SULF2: variants seen among roughly 807,000 people sequenced by gnomAD.
SULF2 encodes the protein extracellular sulfatase Sulf-2.
Under a neutral mutation model 107.7 loss-of-function variants are expected in SULF2, and 52 were observed. The ratio of observed to expected loss-of-function variants is 0.48; its 90% CI spans 0.39 to 0.61. The LOEUF (loss-of-function observed/expected upper bound fraction) is 0.61. Ranked by LOEUF, SULF2 falls within the 20% of genes least tolerant of loss-of-function variation. The pLI is 0.00. For synonymous variants in SULF2, 460 were observed against 464.3 expected (o/e 0.99, Z 0.12); for missense variants, 993 against 1,177.3 (o/e 0.84, Z 2.29).
At chr20:47,742,162 A>G (rs2089899826) in intron 2 of SULF2, among the ~76,000 whole-genome samples, 1 of 152,248 alleles carries the variant, frequency 6.6e-6, no homozygotes, top group Non-Finnish European at 1.5e-5. Context: ...AAACTGCCAT[A>G]GCGACGAGGC....
At chr20:47,704,277 AT>A (rs11480561) in intron 3 of SULF2, among the ~76,000 whole-genome samples, 5 of 150,372 alleles carry the variant, frequency 3.3e-5, no homozygotes, top group East Asian at 2.0e-4. Context: ...TTGCATGTAC[AT>A]TTTTTTTTTC....
chr20:47,716,929 G>A (rs967154182), intron 3 of SULF2, among the ~76,000 whole-genome samples: 1 of 152,152 alleles, frequency 6.6e-6, no homozygotes, highest in South Asian at 2.1e-4. Context: ...AGGATCACTT[G>A]GACCCAGGAG....
Position 47,731,182 on chromosome 20 carries a change from C to CTTTTTTTTTTTT in SULF2, c.415+5520_415+5521insAAAAAAAAAAAA, listed in dbSNP as rs1342480404. Reference sequence around the variant, plus strand: ...GACTCTGCCTGCTACTCACCTGTATCTTCTCTTTTTTTTTTTTTTTTTTTT... The same window carrying CTTTTTTTTTTTT: ...GACTCTGCCTGCTACTCACCTGTATCTTTTTTTTTTTTTTCTCTTTTTTTTTTTTTTTTTTTT... On this transcript the variant is annotated intron_variant, in intron 3 of 20. Coordinates refer to ENST00000688720, the MANE Select transcript of SULF2 (RefSeq NM_001387048.1). 4.6e-4 allele frequency among the ~76,000 whole-genome samples: 46 copies of CTTTTTTTTTTTT among 99,564 alleles called. 1 individual carries two copies. The highest frequency in any genetic ancestry group is 2.3e-3 in the African/African-American group (43 of 18,592). 65.3% of individuals were successfully genotyped at this position (99,564 alleles called of 152,430 possible).
At chr20:47,702,219 G>A (rs376043137) in intron 4 of SULF2, among the ~76,000 whole-genome samples, 1 of 152,002 alleles carries the variant, frequency 6.6e-6, no homozygotes, top group Non-Finnish European at 1.5e-5. Flanking sequence ...CACCACACCC[G>A]GCTAAGTTTT....
chr20:47,763,302 A>G (rs2090454956), intron 1 of SULF2, among the ~76,000 whole-genome samples: 1 of 148,308 alleles, frequency 6.7e-6, no homozygotes, highest in African/African-American at 2.6e-5. Context: ...TTAGTTCTCA[A>G]TTTCTCTGCC....
At chr20:47,757,028 T>G (rs1170348309) in intron 2 of SULF2, among the ~76,000 whole-genome samples, 161 bp downstream of exon 2, 2 of 152,172 alleles carry the variant, frequency 1.3e-5, no homozygotes, top group Non-Finnish European at 2.9e-5. Context: ...GAGGACCCAG[T>G]TGTGACCCCA....
At chr20:47,693,371 G>A (rs1474524600) in intron 4 of SULF2, among the ~76,000 whole-genome samples, 1 of 152,124 alleles carries the variant, frequency 6.6e-6, no homozygotes, top group Non-Finnish European at 1.5e-5. Flanking sequence ...AGTGGGGTGG[G>A]GTGGGAAGCC....
At chr20:47,746,037 A>C (rs1416821476) in intron 2 of SULF2, among the ~76,000 whole-genome samples, 1 of 152,216 alleles carries the variant, frequency 6.6e-6, no homozygotes, top group Non-Finnish European at 1.5e-5. Context: ...CCTGGCTTTG[A>C]TGGGCCCACA....
intron 3 of SULF2, among the ~76,000 whole-genome samples, chr20:47,732,642 G>A (rs2089639483): frequency 1.3e-5 from 2 of 152,116 alleles, no homozygotes. Context: ...AGGAGTTCGA[G>A]GTCAGCCTGG....
At chr20:47,731,369 T>C (rs1411358842) in intron 3 of SULF2, among the ~76,000 whole-genome samples, 1 of 151,706 alleles carries the variant, frequency 6.6e-6, no homozygotes, top group Non-Finnish European at 1.5e-5. Flanking sequence ...ATTTTTGTAT[T>C]TTTAGTAGAG....
At chr20:47,755,163 A>G (rs1172329300) in intron 2 of SULF2, among the ~76,000 whole-genome samples, 1 of 152,212 alleles carries the variant, frequency 6.6e-6, no homozygotes, top group Non-Finnish European at 1.5e-5. Context: ...TAGCTGTGCA[A>G]ACTTGGACAA....
chr20:47,734,229 T>A (rs1380169467), intron 3 of SULF2, among the ~76,000 whole-genome samples: 1 of 152,138 alleles, frequency 6.6e-6, no homozygotes, highest in Non-Finnish European at 1.5e-5. Context: ...TTATTTGACA[T>A]CCCCGGTCTC....
At chr20:47,710,267 G>C (rs565570491) in intron 3 of SULF2, among the ~76,000 whole-genome samples, 4 of 148,586 alleles carry the variant, frequency 2.7e-5, no homozygotes, top group Admixed American at 6.6e-5. Flanking sequence ...GGAACTCCTG[G>C]GCTCAAGTGA....
At position 47,700,070 on chromosome 20, in the gene SULF2, G is replaced by T. The variant is rs187009478; in HGVS notation, c.567+2449C>A. 3.4e-3 allele frequency among the ~76,000 whole-genome samples: 518 copies of T among 152,292 alleles called. 3 individuals are homozygous for T. The highest frequency in any genetic ancestry group is 0.012 in the African/African-American group (480 of 41,554). ...TCTGGGGAAAGAATGTACCAGCTGT[G>T]GGGGGATGTCAGAGCTGACTCTGAG... On this transcript the variant is annotated intron_variant, in intron 4 of 20. Coordinates refer to ENST00000688720, the MANE Select transcript of SULF2 (RefSeq NM_001387048.1).
At chr20:47,661,507 G>C (rs2087065459) in intron 18 of SULF2, 2 of 303,902 alleles carry the variant, frequency 6.6e-6, no homozygotes, top group Non-Finnish European at 1.3e-5. Flanking sequence ...TTGAATGCAT[G>C]AGTGGACAAA....
chr20:47,710,012 C>T (rs945731567), intron 3 of SULF2, among the ~76,000 whole-genome samples: 2 of 151,942 alleles, frequency 1.3e-5, no homozygotes, highest in Admixed American at 6.6e-5. Context: ...AGCGATTCTC[C>T]CGCCTCAGCC....
intron 1 of SULF2, among the ~76,000 whole-genome samples, chr20:47,759,482 A>T (rs2090369805): frequency 6.6e-6 from 1 of 152,212 alleles, no homozygotes; most frequent in Non-Finnish European, 1.5e-5. Flanking sequence ...ACCTGAGGTC[A>T]GGAGTTCGAG....
chr20:47,715,176 C>A (rs2089075558), intron 3 of SULF2, among the ~76,000 whole-genome samples: 2 of 151,472 alleles, frequency 1.3e-5, no homozygotes, highest in South Asian at 2.1e-4. Context: ...AGCGATCTGC[C>A]CACCTTGGCC....
intron 4 of SULF2, among the ~76,000 whole-genome samples, chr20:47,692,967 G>A (rs1351483258): frequency 6.6e-6 from 1 of 152,148 alleles, no homozygotes; most frequent in East Asian, 1.9e-4. Context: ...TGAGCATCAA[G>A]GAAAAATCTG....
Sources: allele counts gnomAD v4.1 joint callset (sites outside exome capture counted in the v4.1 genomes callset), GRCh38; gene constraint gnomAD v4.1.1; transcripts MANE v1.5; gene names NCBI Gene and HGNC (gene_info 2026-07-23, HGNC 2026-07-21).